FRMD4B: variants seen among roughly 807,000 people sequenced by gnomAD.
The protein encoded by FRMD4B is FERM domain-containing protein 4B.
Under a neutral mutation model 141.5 loss-of-function variants are expected in FRMD4B, and 74 were observed. The observed-to-expected ratio is 0.52, with a 90% CI of 0.43 to 0.63. The LOEUF is 0.63. Ranked by LOEUF, FRMD4B falls within the 30% of genes least tolerant of loss-of-function variation. FRMD4B has a pLI of 0.00. For synonymous variants in FRMD4B, 506 were observed against 467.9 expected, an observed-to-expected ratio of 1.08 and a Z score of -1.05; for missense variants, 1,366 against 1,253.4, an observed-to-expected ratio of 1.09 and a Z score of -1.36.
intron 5 of FRMD4B, among the ~76,000 whole-genome samples, chr3:69,267,365 A>G (rs1380354973): frequency 2.6e-5 from 4 of 152,132 alleles, no homozygotes; most frequent in Non-Finnish European, 5.9e-5. Context: ...AATTGGCTCT[A>G]GGACCAGAAA....
At chr3:69,424,013 T>TA (rs970886023) in intron 2 of FRMD4B, among the ~76,000 whole-genome samples, 11 of 151,670 alleles carry the variant, frequency 7.3e-5, no homozygotes, top group African/African-American at 2.2e-4. Context: ...ATGTCCTTGT[T>TA]AAAAAAAAAT....
chr3:69,222,447 A>C (rs2107749833), intron 8 of FRMD4B, among the ~76,000 whole-genome samples: 1 of 142,986 alleles, frequency 7.0e-6, no homozygotes, highest in Admixed American at 7.4e-5. Context: ...ATTCTAGGTG[A>C]CAAGAGTGAA....
intron 1 of FRMD4B, among the ~76,000 whole-genome samples, chr3:69,338,761 A>T (rs997322955): frequency 6.6e-6 from 1 of 152,190 alleles, no homozygotes; most frequent in Non-Finnish European, 1.5e-5. Context: ...GAGTAACAAA[A>T]TAATATGTAC....
Position 69,342,299 on chromosome 3 carries a change from A to G in FRMD4B, c.163-28782T>C, listed in dbSNP as rs116408142. ...ATTACTTATTTGTGAACTTTTGCCA[A>G]GTGAAATCCAGACAAAGTGCAGAGT... On this transcript the variant is annotated intron_variant, in intron 1 of 22. Transcript: ENST00000398540. Among the ~76,000 whole-genome samples the G allele has an allele frequency of 7.8e-3, 1,195 of 152,312 alleles. 18 individuals are homozygous for G. The highest frequency in any genetic ancestry group is 0.027 in the African/African-American group (1,120 of 41,560).
chr3:69,481,118 C>T (rs543474037), intron 1 of FRMD4B, among the ~76,000 whole-genome samples: 1 of 152,290 alleles, frequency 6.6e-6, no homozygotes, highest in African/African-American at 2.4e-5. Context: ...TCTGTCACCC[C>T]TTTCTTTGAC....
rs769754579 is a variant in FRMD4B at position 69,171,813 on chromosome 3, C to T, written c.*48G>A. On this transcript the variant is annotated 3_prime_UTR_variant, in exon 23 of 23. Transcript: ENST00000398540. ...CGGAAGACAAATACAATTTGCAAGG[C>T]ACACTAGTGTGAGAACGCAGTGCTT... The T allele has an allele frequency of 6.3e-6, 10 of 1,588,608 alleles. No homozygotes were observed. The highest frequency in any genetic ancestry group is 8.6e-6 in the Non-Finnish European group (10 of 1,159,190).
At chr3:69,494,361 A>C (rs1156573641) in intron 1 of FRMD4B, among the ~76,000 whole-genome samples, 1 of 152,214 alleles carries the variant, frequency 6.6e-6, no homozygotes, top group Non-Finnish European at 1.5e-5. Flanking sequence ...AGAAAATAGC[A>C]AGTTTTATGA....
chr3:69,195,449 C>T (rs917119394), intron 14 of FRMD4B, 85 bp from the exon 15 acceptor site: 1 of 1,089,260 alleles, frequency 9.2e-7, no homozygotes, highest in Admixed American at 3.2e-5. Flanking sequence ...TAAGCTAAAG[C>T]TGCTATTAAA....
intron 1 of FRMD4B, chr3:69,353,661 G>A (rs1703229510): frequency 4.1e-6 from 4 of 984,764 alleles, no homozygotes; most frequent in Non-Finnish European, 4.8e-6. Context: ...GTGTGTGTGC[G>A]CGCATGTGCT....
At chr3:69,396,233 G>A (rs1012420673) in intron 2 of FRMD4B, among the ~76,000 whole-genome samples, 2 of 152,180 alleles carry the variant, frequency 1.3e-5, no homozygotes, top group Non-Finnish European at 2.9e-5. Context: ...GGGGCTGGGT[G>A]TGGTGGCTCA....
chr3:69,223,578 C>T (rs2093219970), intron 8 of FRMD4B, among the ~76,000 whole-genome samples: 1 of 151,978 alleles, frequency 6.6e-6, no homozygotes, highest in Non-Finnish European at 1.5e-5. Context: ...GTGGCTCACA[C>T]CTGTAATCCC....
chr3:69,240,306 C>A (rs556663852), intron 7 of FRMD4B, among the ~76,000 whole-genome samples: 1 of 151,490 alleles, frequency 6.6e-6, no homozygotes, highest in African/African-American at 2.4e-5. Context: ...ATGGTGAAAA[C>A]CCATCTCTAC....
intron 5 of FRMD4B, among the ~76,000 whole-genome samples, chr3:69,280,525 G>A (rs1453222718): frequency 6.6e-6 from 1 of 151,984 alleles, no homozygotes; most frequent in Non-Finnish European, 1.5e-5. Flanking sequence ...AACTACCATG[G>A]GCTAAGAGCA....
intron 17 of FRMD4B, among the ~76,000 whole-genome samples, chr3:69,193,051 G>C (rs1407308971): frequency 6.6e-6 from 1 of 151,872 alleles, no homozygotes; most frequent in Non-Finnish European, 1.5e-5. Flanking sequence ...AAACTCCTTA[G>C]CTCAAGTGAT....
chr3:69,405,251 T>G (rs1485487710), intron 2 of FRMD4B, among the ~76,000 whole-genome samples: 2 of 152,234 alleles, frequency 1.3e-5, no homozygotes, highest in Non-Finnish European at 2.9e-5. Context: ...GAGTGTGCTA[T>G]CACAAAAGGG....
chr3:69,173,582 A>C (rs2092611095), intron 22 of FRMD4B, among the ~76,000 whole-genome samples: 1 of 152,214 alleles, frequency 6.6e-6, no homozygotes, highest in African/African-American at 2.4e-5. Context: ...ATAAAGCTTT[A>C]TGAATGATTG....
intron 2 of FRMD4B, among the ~76,000 whole-genome samples, chr3:69,416,898 T>C (rs1704876268): frequency 6.6e-6 from 1 of 152,222 alleles, no homozygotes; most frequent in African/African-American, 2.4e-5. Flanking sequence ...TTTTTATGGC[T>C]GCATAGTATT....
At chr3:69,200,349 AT>A in intron 11 of FRMD4B, 1 of 827,238 alleles carries the variant, frequency 1.2e-6, no homozygotes, top group South Asian at 5.4e-5. Flanking sequence ...AGAAGAATTA[AT>A]AAAAGTATAA....
At chr3:69,449,676 G>T (rs1402768400) in intron 1 of FRMD4B, among the ~76,000 whole-genome samples, 2 of 152,082 alleles carry the variant, frequency 1.3e-5, no homozygotes, top group African/African-American at 4.8e-5. Flanking sequence ...TGAAATCCAG[G>T]TCTTCTGAAT....
Sources: allele counts gnomAD v4.1 joint callset (sites outside exome capture counted in the v4.1 genomes callset), GRCh38; gene constraint gnomAD v4.1.1; transcripts MANE v1.5; gene names NCBI Gene and HGNC (gene_info 2026-07-23, HGNC 2026-07-21).